Variants in KIAA0825 observed in about 807,000 individuals in gnomAD.
KIAA0825 encodes uncharacterized protein KIAA0825.
In KIAA0825, 119 loss-of-function variants were observed where a neutral mutation model predicts 147.6. That is an observed-to-expected ratio of 0.81 (90% CI 0.69 to 0.94). The LOEUF (loss-of-function observed/expected upper bound fraction) is 0.94, where lower values mean the gene tolerates loss of function less well. KIAA0825 is among the 40% of genes least tolerant of loss of function. The pLI is 0.00. For synonymous variants in KIAA0825, 470 were observed against 518.1 expected, an observed-to-expected ratio of 0.91 and a Z score of 1.26; for missense variants, 1,381 against 1,472.7, an observed-to-expected ratio of 0.94 and a Z score of 1.02.
At chr5:94,298,014 A>G (rs547468184) in intron 20 of KIAA0825, among the ~76,000 whole-genome samples, 1 of 149,342 alleles carries the variant, frequency 6.7e-6, no homozygotes. Flanking sequence ...TGGGAGGCCA[A>G]CGTGGACAGA....
chr5:94,212,230 C>T (rs1436565943), intron 20 of KIAA0825, among the ~76,000 whole-genome samples: 1 of 152,066 alleles, frequency 6.6e-6, no homozygotes, highest in Non-Finnish European at 1.5e-5. Flanking sequence ...CAAACTTTTC[C>T]CAAACAAATA....
chr5:94,293,619 T>A (rs1434050654), intron 20 of KIAA0825, among the ~76,000 whole-genome samples: 2 of 152,204 alleles, frequency 1.3e-5, no homozygotes, highest in African/African-American at 4.8e-5. Context: ...TGTAGATGTC[T>A]ATTAGGTCTG....
intron 20 of KIAA0825, among the ~76,000 whole-genome samples, chr5:94,214,018 T>C (rs1772984031): frequency 6.6e-6 from 1 of 152,172 alleles, no homozygotes; most frequent in African/African-American, 2.4e-5. Flanking sequence ...TTCACAATGA[T>C]TTATTTTTAT....
intron 20 of KIAA0825, among the ~76,000 whole-genome samples, chr5:94,182,638 C>CTTTTA (rs1769770900): frequency 1.3e-5 from 2 of 152,012 alleles, no homozygotes; most frequent in Non-Finnish European, 2.9e-5. Context: ...TAAGCAAGTA[C>CTTTTA]TGATATTTTT....
intron 20 of KIAA0825, among the ~76,000 whole-genome samples, chr5:94,191,332 G>A (rs948163782): frequency 6.6e-6 from 1 of 152,090 alleles, no homozygotes; most frequent in Non-Finnish European, 1.5e-5. Context: ...ATTCTAGAGA[G>A]AAAACATTTG....
intron 20 of KIAA0825, among the ~76,000 whole-genome samples, chr5:94,370,004 G>A (rs902379590): frequency 4.6e-5 from 7 of 152,098 alleles, no homozygotes; most frequent in Admixed American, 1.3e-4. Flanking sequence ...CTATCCAAGT[G>A]AAATAAAAAC....
intron 20 of KIAA0825, among the ~76,000 whole-genome samples, chr5:94,222,822 T>C (rs1004024851): frequency 8.5e-5 from 13 of 152,192 alleles, no homozygotes; most frequent in Non-Finnish European, 1.2e-4. Flanking sequence ...AAAAATCATA[T>C]ATATTAAAGC....
chr5:94,290,303 G>C (rs770833590), intron 20 of KIAA0825, among the ~76,000 whole-genome samples: 1 of 152,040 alleles, frequency 6.6e-6, no homozygotes, highest in Non-Finnish European at 1.5e-5. Context: ...CCACCCAACA[G>C]ACCCTGGTGT....
At chr5:94,377,893 T>C (rs1216608809) in intron 20 of KIAA0825, among the ~76,000 whole-genome samples, 1 of 152,196 alleles carries the variant, frequency 6.6e-6, no homozygotes, top group Non-Finnish European at 1.5e-5. Flanking sequence ...CCTTAAAGTT[T>C]TCTACTTGCA....
At chr5:94,323,180 G>A (rs906919308) in intron 20 of KIAA0825, among the ~76,000 whole-genome samples, 3 of 151,826 alleles carry the variant, frequency 2.0e-5, no homozygotes, top group Admixed American at 6.6e-5. Flanking sequence ...ACTCTTTAAT[G>A]TATCCTCTAT....
chr5:94,420,395 C>T (rs1754028254), intron 14 of KIAA0825, among the ~76,000 whole-genome samples: 1 of 152,142 alleles, frequency 6.6e-6, no homozygotes, highest in Admixed American at 6.5e-5. Context: ...GTCTGAATTA[C>T]ACTACAATCC....
intron 20 of KIAA0825, among the ~76,000 whole-genome samples, chr5:94,290,023 A>C (rs1777818640): frequency 6.6e-6 from 1 of 152,184 alleles, no homozygotes; most frequent in African/African-American, 2.4e-5. Context: ...CCCTTGTCCT[A>C]CTGACTTTGC....
intron 20 of KIAA0825, among the ~76,000 whole-genome samples, chr5:94,340,736 A>G (rs555430683): frequency 6.6e-6 from 1 of 152,372 alleles, no homozygotes; most frequent in Non-Finnish European, 1.5e-5. Flanking sequence ...ACAGCAAGCT[A>G]TACCTGTCTA....
At chr5:94,590,324 C>G (rs534418553) in intron 1 of KIAA0825, among the ~76,000 whole-genome samples, 2 of 152,250 alleles carry the variant, frequency 1.3e-5, no homozygotes, top group African/African-American at 4.8e-5. Flanking sequence ...ATTTATTTGT[C>G]CTCATATTGC....
intron 2 of KIAA0825, among the ~76,000 whole-genome samples, chr5:94,546,792 CAAAAA>C (rs372542896): frequency 1.4e-4 from 7 of 49,654 alleles, no homozygotes; most frequent in Non-Finnish European, 2.2e-4. Flanking sequence ...GTCCAGGCAC[CAAAAA>C]AAAAAAAAAA....
At chr5:94,222,684 C>G (rs1039701023) in intron 20 of KIAA0825, among the ~76,000 whole-genome samples, 2 of 152,018 alleles carry the variant, frequency 1.3e-5, no homozygotes, top group Admixed American at 1.3e-4. Flanking sequence ...ATAATTAGCT[C>G]TTAACAATCA....
At chr5:94,255,494 G>A (rs926950140) in intron 20 of KIAA0825, among the ~76,000 whole-genome samples, 1 of 151,916 alleles carries the variant, frequency 6.6e-6, no homozygotes, top group Admixed American at 6.6e-5. Context: ...CCTGCACCAC[G>A]CCATCAATGG....
chr5:94,257,199 A>G (rs1179142408), intron 20 of KIAA0825, among the ~76,000 whole-genome samples: 1 of 152,132 alleles, frequency 6.6e-6, no homozygotes, highest in African/African-American at 2.4e-5. Flanking sequence ...CTTTAGATGT[A>G]GTTCCTTCTA....
At chr5:94,209,674 T>G (rs1772525334) in intron 20 of KIAA0825, among the ~76,000 whole-genome samples, 1 of 152,230 alleles carries the variant, frequency 6.6e-6, no homozygotes, top group South Asian at 2.1e-4. Flanking sequence ...TTCTAAGCTT[T>G]TTTAATGGTG....
Sources: gnomAD v4.1 joint callset for allele counts (sites outside exome capture counted in the v4.1 genomes callset) on GRCh38, gnomAD v4.1.1 for gene constraint, MANE v1.5 for transcripts, NCBI Gene and HGNC (gene_info 2026-07-23, HGNC 2026-07-21) for gene names.